SHTN1: variants seen among roughly 807,000 people sequenced by gnomAD.
SHTN1 encodes the protein shootin 1, also known as shootin-1.
Under a neutral mutation model 83.1 loss-of-function variants are expected in SHTN1, and 42 were observed. That is an observed-to-expected ratio of 0.51 (90% CI 0.39 to 0.65). The LOEUF (loss-of-function observed/expected upper bound fraction) is 0.65, where lower values mean the gene tolerates loss of function less well. Ranked by LOEUF, SHTN1 falls within the 30% of genes least tolerant of loss-of-function variation. The pLI is 0.00. For synonymous variants in SHTN1, 224 were observed against 247.7 expected (o/e 0.90, Z 0.90); for missense variants, 622 against 737.8 (o/e 0.84, Z 1.82).
intron 15 of SHTN1, among the ~76,000 whole-genome samples, chr10:116,905,229 A>AG (rs1847923334): frequency 1.3e-5 from 2 of 151,372 alleles, no homozygotes; most frequent in Non-Finnish European, 2.9e-5. Context: ...AAAAAAAAAA[A>AG]TAGCAGTGTT....
upstream of SHTN1, among the ~76,000 whole-genome samples, chr10:117,007,581 C>T (rs1398480526): frequency 2.1e-5 from 2 of 96,298 alleles, no homozygotes; most frequent in Admixed American, 2.0e-4. Flanking sequence ...AAAAAAAAAA[C>T]TCCTGAAATA....
At chr10:116,992,106 C>A (rs1050676994) in intron 1 of SHTN1, among the ~76,000 whole-genome samples, 29 of 151,814 alleles carry the variant, frequency 1.9e-4, no homozygotes, top group African/African-American at 5.8e-4. Flanking sequence ...CATGCCACTG[C>A]ACTCCAGCCT....
intron 2 of SHTN1, chr10:117,023,849 C>G (rs552934130): frequency 6.5e-6 from 1 of 152,750 alleles, no homozygotes; most frequent in Non-Finnish European, 1.5e-5. Context: ...TAGTTATATA[C>G]GTATTTCCAA....
intron 15 of SHTN1, among the ~76,000 whole-genome samples, chr10:116,903,288 T>TAA (rs1847820344): frequency 1.3e-5 from 2 of 150,336 alleles, no homozygotes; most frequent in Non-Finnish European, 2.9e-5. Context: ...ATCCCAGCAC[T>TAA]TTGAGAGGCC....
intron 9 of SHTN1, among the ~76,000 whole-genome samples, chr10:116,933,879 A>T (rs902429208): frequency 1.3e-5 from 2 of 152,154 alleles, no homozygotes; most frequent in Admixed American, 1.3e-4. Flanking sequence ...ATGAGATGGT[A>T]TCTCATTGTG....
intron 16 of SHTN1, among the ~76,000 whole-genome samples, chr10:116,898,742 AAAACAAAC>A (rs561646418): frequency 5.9e-5 from 9 of 152,084 alleles, no homozygotes; most frequent in Non-Finnish European, 7.4e-5. Flanking sequence ...TTTTTTCTTA[AAAACAAAC>A]AAACAAACAA....
At chr10:117,097,764 T>A (rs937137997) in intron 1 of SHTN1, among the ~76,000 whole-genome samples, 1 of 152,230 alleles carries the variant, frequency 6.6e-6, no homozygotes, top group Non-Finnish European at 1.5e-5. Context: ...TTCCATTACA[T>A]CTTTAACACC....
intron 1 of SHTN1, among the ~76,000 whole-genome samples, chr10:116,994,311 A>G (rs1222993645): frequency 2.0e-5 from 3 of 152,114 alleles, no homozygotes; most frequent in Non-Finnish European, 2.9e-5. Context: ...AAGTTGAGAA[A>G]AGAGAGCAAG....
intron 11 of SHTN1, among the ~76,000 whole-genome samples, chr10:116,925,052 G>A (rs759449678): frequency 5.9e-5 from 9 of 152,236 alleles, no homozygotes; most frequent in East Asian, 1.9e-4. Context: ...CACTGCGCCC[G>A]GCCTTCACCT....
chr10:117,117,370 CA>C (rs955738907), intron 1 of SHTN1, among the ~76,000 whole-genome samples: 3 of 151,978 alleles, frequency 2.0e-5, no homozygotes, highest in Admixed American at 2.0e-4. Context: ...AAGATCTATA[CA>C]AGGAAACATT....
intron 1 of SHTN1, among the ~76,000 whole-genome samples, chr10:117,073,046 CACTT>C (rs1258078214): frequency 6.6e-6 from 1 of 152,146 alleles, no homozygotes; most frequent in Non-Finnish European, 1.5e-5. Flanking sequence ...ACATTGGACA[CACTT>C]ACAGAAATGC....
chr10:116,969,400 C>T (rs1056769689), intron 2 of SHTN1, among the ~76,000 whole-genome samples: 2 of 152,124 alleles, frequency 1.3e-5, no homozygotes, highest in African/African-American at 4.8e-5. Flanking sequence ...GAGATCACAC[C>T]ATTGCACTCC....
At chr10:117,084,902 C>T (rs555656164) in intron 1 of SHTN1, among the ~76,000 whole-genome samples, 86 of 152,232 alleles carry the variant, frequency 5.6e-4, no homozygotes, top group Non-Finnish European at 9.0e-4. Flanking sequence ...GGCTCGCGCA[C>T]GGTGCGCGCC....
At chr10:117,046,299 T>C (rs1467476063) in intron 2 of SHTN1, among the ~76,000 whole-genome samples, 1 of 152,094 alleles carries the variant, frequency 6.6e-6, no homozygotes, top group African/African-American at 2.4e-5. Context: ...CCATGAGTCA[T>C]TAGGTAAATG....
intron 1 of SHTN1, among the ~76,000 whole-genome samples, chr10:117,072,534 C>T (rs532757202): frequency 6.6e-6 from 1 of 152,322 alleles, no homozygotes; most frequent in African/African-American, 2.4e-5. Context: ...GTTCACATCA[C>T]AGGACTCTGT....
chr10:117,094,548 C>G (rs927161838), intron 1 of SHTN1, among the ~76,000 whole-genome samples: 27 of 152,120 alleles, frequency 1.8e-4, no homozygotes, highest in African/African-American at 6.5e-4. Context: ...GGTCAGTTGT[C>G]TAATTTGAAA....
intron 9 of SHTN1, among the ~76,000 whole-genome samples, chr10:116,939,749 C>T (rs575391131): frequency 5.4e-4 from 82 of 152,334 alleles, no homozygotes; most frequent in African/African-American, 1.9e-3. Flanking sequence ...CAGGTGGTAA[C>T]AAGTAGCAGC....
At chr10:116,962,041 T>TC (rs397845285) in intron 3 of SHTN1, among the ~76,000 whole-genome samples, 2,202 of 134,460 alleles carry the variant, frequency 0.016, 57 homozygotes, top group African/African-American at 0.057. Flanking sequence ...GTGTTGAAGC[T>TC]CCCCCCCCCT....
chr10:117,003,701 C>T (rs953112785), intron 1 of SHTN1, among the ~76,000 whole-genome samples: 3 of 151,982 alleles, frequency 2.0e-5, no homozygotes, highest in Non-Finnish European at 4.4e-5. Context: ...GAGACTCCTC[C>T]AAGTTCACAG....
Sources: gnomAD v4.1 joint callset for allele counts (sites outside exome capture counted in the v4.1 genomes callset) on GRCh38, gnomAD v4.1.1 for gene constraint, MANE v1.5 for transcripts, NCBI Gene and HGNC (gene_info 2026-07-23, HGNC 2026-07-21) for gene names.